NR6A1: variants seen among roughly 807,000 people sequenced by gnomAD.
NR6A1 encodes retinoic acid receptor-related testis-associated receptor.
NR6A1 carries 7 observed loss-of-function variants against 59.1 expected under a neutral mutation model. The ratio of observed to expected loss-of-function variants is 0.12; its 90% CI spans 0.07 to 0.22. The LOEUF (loss-of-function observed/expected upper bound fraction) is 0.22. Among genes scored for constraint, NR6A1 ranks in the 10% least tolerant of loss-of-function variants. The pLI, the probability that NR6A1 is intolerant of heterozygous loss-of-function variation, is 1.00. For missense variants in NR6A1, 468 were observed against 611.6 expected, an observed-to-expected ratio of 0.77 and a Z score of 2.48; for synonymous variants, 243 against 236.1, an observed-to-expected ratio of 1.03 and a Z score of -0.27.
intron 2 of NR6A1, chr9:124,693,876 T>G (rs944833482): frequency 1.5e-5 from 7 of 469,834 alleles, no homozygotes; most frequent in African/African-American, 9.9e-5. Context: ...CTGCTACTAT[T>G]TCCAAAACAC....
intron 2 of NR6A1, among the ~76,000 whole-genome samples, chr9:124,731,934 T>C (rs1389662715): frequency 6.6e-6 from 1 of 152,178 alleles, no homozygotes; most frequent in Non-Finnish European, 1.5e-5. Context: ...ACCCCCACAT[T>C]GTTTAAGGGT....
At chr9:124,746,144 T>C (rs985325554) in intron 1 of NR6A1, among the ~76,000 whole-genome samples, 1 of 152,206 alleles carries the variant, frequency 6.6e-6, no homozygotes, top group Admixed American at 6.5e-5. Flanking sequence ...GCACTAATCT[T>C]TCTTACATAC....
intron 4 of NR6A1, among the ~76,000 whole-genome samples, chr9:124,541,174 A>T: frequency 6.6e-6 from 1 of 152,204 alleles, no homozygotes; most frequent in East Asian, 1.9e-4. Flanking sequence ...AAAGGAAACA[A>T]TCAACAGGGT....
chr9:124,647,376 C>T (rs1467022957), intron 2 of NR6A1, among the ~76,000 whole-genome samples: 1 of 152,094 alleles, frequency 6.6e-6, no homozygotes, highest in Non-Finnish European at 1.5e-5. Context: ...TAACTACATG[C>T]CAATAACTTG....
At chr9:124,675,309 G>A (rs1473187253) in intron 2 of NR6A1, among the ~76,000 whole-genome samples, 1 of 152,200 alleles carries the variant, frequency 6.6e-6, no homozygotes, top group Non-Finnish European at 1.5e-5. Context: ...TAATTTATCT[G>A]TCTAAGAGTC....
Position 124,717,148 on chromosome 9 carries a change from C to T in NR6A1, c.142+16160G>A, listed in dbSNP as rs528104638. Among the ~76,000 whole-genome samples, 29 of 152,258 alleles carry T rather than the reference C, an allele frequency of 1.9e-4. 1 individual carries two copies. In the South Asian group the frequency reaches 6.0e-3, roughly 32 times the overall value. ...ATGTGAAACTGAAACTCATATACTA[C>T]TGGAACTAAGATGTATGAACATCTG... is the stretch of plus-strand genomic sequence containing the variant. On this transcript the variant is annotated intron_variant, in intron 2 of 9. Coordinates refer to ENST00000487099, the MANE Select transcript of NR6A1 (RefSeq NM_033334.4).
At chr9:124,770,776 C>T (rs1841123030) in intron 1 of NR6A1, among the ~76,000 whole-genome samples, 1 of 148,200 alleles carries the variant, frequency 6.7e-6, no homozygotes, top group South Asian at 2.2e-4. Context: ...GCCCAGGGAC[C>T]CGGGCAGGGG....
chr9:124,721,096 T>C (rs1839550294), intron 2 of NR6A1, among the ~76,000 whole-genome samples: 1 of 152,202 alleles, frequency 6.6e-6, no homozygotes, highest in South Asian at 2.1e-4. Flanking sequence ...TTTCTTCTCA[T>C]TCCTTCTTAG....
intron 2 of NR6A1, among the ~76,000 whole-genome samples, chr9:124,715,452 T>C (rs1295861974): frequency 1.3e-5 from 2 of 152,102 alleles, no homozygotes; most frequent in Admixed American, 6.6e-5. Flanking sequence ...AGAGAATCCC[T>C]TGAGACCAGG....
chr9:124,598,153 C>T (rs931447600), intron 2 of NR6A1, among the ~76,000 whole-genome samples: 3 of 152,204 alleles, frequency 2.0e-5, no homozygotes, highest in East Asian at 1.9e-4. Context: ...CCGGCCTAAA[C>T]ACTAATTTTT....
rs183407734 is a variant in NR6A1 at position 124,699,773 on chromosome 9, T to C, written c.142+33535A>G. ...TGCATCACCCATAAAACTCCCTTTG[T>C]TCCTGTTTCCACTCCCAACTTAGCC... is the stretch of plus-strand genomic sequence containing the variant. On this transcript the variant is annotated intron_variant, in intron 2 of 9. Transcript: ENST00000487099. 5.9e-5 allele frequency among the ~76,000 whole-genome samples: 9 copies of C among 152,310 alleles called. No individual in the cohort carries two copies. In the East Asian group the frequency reaches 1.7e-3, roughly 29 times the overall value.
chr9:124,753,329 T>C (rs1229275294), intron 1 of NR6A1, among the ~76,000 whole-genome samples: 1 of 152,246 alleles, frequency 6.6e-6, no homozygotes, highest in African/African-American at 2.4e-5. Flanking sequence ...TCATTAAATT[T>C]TTTTCATTGT....
intron 7 of NR6A1, among the ~76,000 whole-genome samples, chr9:124,530,322 GA>G (rs1368115328): frequency 2.0e-5 from 3 of 152,140 alleles, no homozygotes; most frequent in Non-Finnish European, 4.4e-5. Flanking sequence ...TCCACAGCCT[GA>G]CTGCAAAGCT....
At chr9:124,588,196 G>C (rs991294898) in intron 2 of NR6A1, among the ~76,000 whole-genome samples, 1 of 152,014 alleles carries the variant, frequency 6.6e-6, no homozygotes, top group Non-Finnish European at 1.5e-5. Context: ...TTTTTCTCTC[G>C]CATCAGATTG....
chr9:124,691,978 G>C (rs968361357), intron 2 of NR6A1, among the ~76,000 whole-genome samples: 1 of 152,192 alleles, frequency 6.6e-6, no homozygotes, highest in African/African-American at 2.4e-5. Flanking sequence ...AGTATGATGA[G>C]TGAGCACTGG....
In NR6A1 at chr9:124,576,796, TG is replaced by T. The variant is rs535508334; in HGVS notation, c.143-22227del. ...GTCTGGGCTCAATGGCTCATGCCTG[TG>T]AATCCTAGTTGAGATTAGGGAGGCC... On this transcript the variant is annotated intron_variant, in intron 2 of 9. Coordinates refer to ENST00000487099, the MANE Select transcript of NR6A1 (RefSeq NM_033334.4). Among the ~76,000 whole-genome samples, 90 of 152,316 alleles carry T rather than the reference TG, an allele frequency of 5.9e-4. 1 individual carries two copies. In the South Asian group the frequency reaches 0.018, roughly 30 times the overall value.
intron 2 of NR6A1, among the ~76,000 whole-genome samples, chr9:124,697,394 T>G (rs934124807): frequency 2.0e-5 from 3 of 151,650 alleles, no homozygotes; most frequent in Non-Finnish European, 4.4e-5. Flanking sequence ...CTGCAGAAGA[T>G]AAAAGTAAGG....
intron 2 of NR6A1, among the ~76,000 whole-genome samples, chr9:124,565,264 T>C (rs975518819): frequency 7.9e-5 from 12 of 151,890 alleles, no homozygotes; most frequent in Admixed American, 1.3e-4. Flanking sequence ...CCATCTCTAC[T>C]AACAATACAA....
intron 2 of NR6A1, among the ~76,000 whole-genome samples, chr9:124,655,433 C>A (rs1434373669): frequency 6.6e-6 from 1 of 152,148 alleles, no homozygotes; most frequent in Non-Finnish European, 1.5e-5. Context: ...GTATTCAAAA[C>A]ATCTGGCACA....
Sources: allele counts gnomAD v4.1 joint callset (sites outside exome capture counted in the v4.1 genomes callset), GRCh38; gene constraint gnomAD v4.1.1; transcripts MANE v1.5; gene names NCBI Gene and HGNC (gene_info 2026-07-23, HGNC 2026-07-21).